Variants in CPLANE1 observed in about 807,000 individuals in gnomAD.
The protein encoded by CPLANE1 is ciliogenesis and planar polarity effector 1.
CPLANE1 carries 263 observed loss-of-function variants against 362.5 expected under a neutral mutation model. That is an observed-to-expected ratio of 0.73 (90% CI 0.66 to 0.80). CPLANE1 has a LOEUF of 0.80. Ranked by LOEUF, CPLANE1 falls within the 30% of genes least tolerant of loss-of-function variation. CPLANE1 has a pLI of 0.00. For missense variants in CPLANE1, 3,461 were observed against 3,793.4 expected, an observed-to-expected ratio of 0.91 and a Z score of 2.30; for synonymous variants, 1,212 against 1,302.6, an observed-to-expected ratio of 0.93 and a Z score of 1.50.
intron 18 of CPLANE1, among the ~76,000 whole-genome samples, chr5:37,203,219 C>G (rs967015838): frequency 6.6e-6 from 1 of 152,152 alleles, no homozygotes; most frequent in Non-Finnish European, 1.5e-5. Flanking sequence ...CAGGCAACCC[C>G]TGATCTGTTT....
intron 51 of CPLANE1, among the ~76,000 whole-genome samples, chr5:37,110,068 ACCCTAG>A (rs901844708): frequency 2.6e-5 from 4 of 151,726 alleles, no homozygotes; most frequent in African/African-American, 9.7e-5. Context: ...CATTGTTAAA[ACCCTAG>A]CCCAAGCAAT....
In CPLANE1 at chr5:37,125,526, T is replaced by C. The variant is rs1293217319; in HGVS notation, c.8793-117A>G. ...TTTTGCCCCATCTTCAAAAGTAGTA[T>C]ATACTTATGTTCTCTAGTCAACTCA... On this transcript the variant is annotated intron_variant, in intron 46 of 52. Coordinates refer to ENST00000651892, the MANE Select transcript of CPLANE1 (RefSeq NM_001384732.1). 3 of 908,084 alleles carry C rather than the reference T, an allele frequency of 3.3e-6. No individual in the cohort carries two copies. In the Admixed American group the frequency reaches 8.1e-5, roughly 24 times the overall value. The allele number at this position is 908,084 out of a possible 1,614,324, so 56.3% of individuals were successfully genotyped here. A position where few individuals can be genotyped will look rare whatever the true frequency, so the allele number is the denominator to read the frequency against.
chr5:37,109,726 G>A (rs946611229), intron 51 of CPLANE1, among the ~76,000 whole-genome samples: 1 of 152,082 alleles, frequency 6.6e-6, no homozygotes, highest in Admixed American at 6.5e-5. Context: ...GTGCAATTTC[G>A]GTTCGCTGCA....
chr5:37,227,621 G>A lies in CPLANE1; in HGVS notation c.1318C>T (p.Leu440Phe), dbSNP rs1263799600. The A allele has an allele frequency of 6.4e-7, 1 of 1,551,488 alleles. No individual in the cohort carries two copies. Among genetic ancestry groups the A allele is most frequent in the East Asian group, 2.4e-5 (1 of 40,870 alleles). ...TTCTCAAGCCTCTGGGTTGAATCAAGTAGAAGTGATCTCATGTGTACTGAT... is the reference window on the plus strand; with the variant it reads ...TTCTCAAGCCTCTGGGTTGAATCAAATAGAAGTGATCTCATGTGTACTGAT... ...SPSVHMRSLL[L>F]DSTQRLEKIY... The change falls in exon 10 of 53, where the codon CTT becomes TTT. Residue 440 changes from leucine to phenylalanine, a missense_variant. Transcript: ENST00000651892.
At position 37,147,419 on chromosome 5, in the gene CPLANE1, T is replaced by C. The variant is rs559431465; in HGVS notation, c.8461+762A>G. 3.9e-5 allele frequency among the ~76,000 whole-genome samples: 6 copies of C among 152,338 alleles called. No homozygotes were observed. In the South Asian group the frequency reaches 1.2e-3, roughly 32 times the overall value. ...CTTTTACAAGCTAAAGAAATCATAATGCGAACTACAAACTATGTAGACCTG... is the reference window on the plus strand; with the variant it reads ...CTTTTACAAGCTAAAGAAATCATAACGCGAACTACAAACTATGTAGACCTG... On this transcript the variant is annotated intron_variant, in intron 43 of 52. Coordinates refer to ENST00000651892, the MANE Select transcript of CPLANE1 (RefSeq NM_001384732.1).
chr5:37,143,543 C>G (rs1770461622), intron 43 of CPLANE1, among the ~76,000 whole-genome samples: 1 of 152,114 alleles, frequency 6.6e-6, no homozygotes, highest in African/African-American at 2.4e-5. Context: ...AGCAAAGACA[C>G]AGCAAAAAAG....
At chr5:37,133,497 G>GGT (rs70976279) in intron 46 of CPLANE1, among the ~76,000 whole-genome samples, 34,022 of 148,618 alleles carry the variant, frequency 0.23, 3,863 homozygotes, top group East Asian at 0.36. Flanking sequence ...TTTGGTTAGA[G>GGT]GTGTGTGTGT....
rs1201979822 is a variant in CPLANE1, at chr5:37,164,133, G to T, written c.7588+140C>A. 4 of 609,506 alleles carry T rather than the reference G, an allele frequency of 6.6e-6. No individual in the cohort carries two copies. In the South Asian group the frequency reaches 7.3e-5, roughly 11 times the overall value. The allele number at this position is 609,506 out of a possible 1,614,324, so 37.8% of individuals were successfully genotyped here. ...AGTCAATTATCAAACCTGAGTTGAG[G>T]GGGGTGGAGTATAGGAACCCTTGAA... On this transcript the variant is annotated intron_variant, in intron 37 of 52. Coordinates refer to ENST00000651892, the MANE Select transcript of CPLANE1 (RefSeq NM_001384732.1).
chr5:37,112,121 T>C (rs562031969), intron 51 of CPLANE1, among the ~76,000 whole-genome samples: 21 of 152,360 alleles, frequency 1.4e-4, no homozygotes, highest in Non-Finnish European at 2.2e-4. Flanking sequence ...TAATTTGGCA[T>C]CTAGACATCG....
At chr5:37,220,981 G>A (rs1795236745) in intron 15 of CPLANE1, among the ~76,000 whole-genome samples, 1 of 152,272 alleles carries the variant, frequency 6.6e-6, no homozygotes, top group African/African-American at 2.4e-5. Flanking sequence ...CAGCTCAGCA[G>A]GCAATTACTA....
chr5:37,176,009 G>A, intron 30 of CPLANE1, 23 bp from the exon 31 acceptor site: 1 of 1,498,924 alleles, frequency 6.7e-7, no homozygotes, highest in Non-Finnish European at 9.3e-7. Flanking sequence ...ATTAACAGGT[G>A]ATTAGTAAGC....
At chr5:37,233,522 C>T (rs186017830) in intron 8 of CPLANE1, among the ~76,000 whole-genome samples, 445 of 152,160 alleles carry the variant, frequency 2.9e-3, no homozygotes, top group Non-Finnish European at 5.3e-3. Context: ...ACCAAGCTCT[C>T]CGAAGCACAC....
chr5:37,239,969 A>C, intron 6 of CPLANE1, 100 bp from the exon 7 acceptor site: 1 of 737,740 alleles, frequency 1.4e-6, no homozygotes, highest in East Asian at 2.9e-5. Context: ...AAATTCCTAC[A>C]TGTGCACATG....
chr5:37,226,028 G>T (rs1464322441), intron 12 of CPLANE1, among the ~76,000 whole-genome samples: 1 of 151,740 alleles, frequency 6.6e-6, no homozygotes, highest in Non-Finnish European at 1.5e-5. Context: ...CGTATAACAT[G>T]ACATATTTAA....
intron 18 of CPLANE1, 40 bp from the exon 19 acceptor site, chr5:37,201,848 T>A: frequency 7.2e-7 from 1 of 1,391,198 alleles, no homozygotes; most frequent in Non-Finnish European, 1.0e-6. Context: ...TTAAAGCTTG[T>A]ATTAAACTTC....
At chr5:37,167,840 C>G (rs913510174) in intron 34 of CPLANE1, among the ~76,000 whole-genome samples, 2 of 152,124 alleles carry the variant, frequency 1.3e-5, no homozygotes, top group Non-Finnish European at 2.9e-5. Context: ...CAGCATTTAA[C>G]TTAAAATTGT....
chr5:37,086,881 C>T, the CPLANE1 span, among the ~76,000 whole-genome samples: 1 of 152,120 alleles, frequency 6.6e-6, no homozygotes, highest in African/African-American at 2.4e-5. Context: ...CAGGTGGTGA[C>T]CCCGATGTGA....
At chr5:37,211,860 C>T (rs995820700) in intron 16 of CPLANE1, 10 of 788,386 alleles carry the variant, frequency 1.3e-5, no homozygotes, top group South Asian at 4.0e-5. Flanking sequence ...TGAATATGCA[C>T]GGAATGTGCC....
intron 30 of CPLANE1, among the ~76,000 whole-genome samples, chr5:37,176,253 A>C (rs1781130224): frequency 6.6e-6 from 1 of 152,174 alleles, no homozygotes; most frequent in Non-Finnish European, 1.5e-5. Flanking sequence ...ACCCAAAATG[A>C]GGGGACATGA....
Sources: allele counts gnomAD v4.1 joint callset (sites outside exome capture counted in the v4.1 genomes callset), GRCh38; gene constraint gnomAD v4.1.1; transcripts MANE v1.5; gene names NCBI Gene and HGNC (gene_info 2026-07-23, HGNC 2026-07-21).